The following PIK3R4 variants were observed in gnomAD, a reference collection of about 807,000 sequenced individuals.
PIK3R4 encodes the protein phosphoinositide 3-kinase regulatory subunit 4.
A neutral mutation model predicts 136.5 loss-of-function variants in PIK3R4; 46 were observed. That is an observed-to-expected ratio of 0.34 (90% CI 0.27 to 0.43). The LOEUF is 0.43. Among genes scored for constraint, PIK3R4 ranks in the 20% least tolerant of loss-of-function variants. The pLI is 1.00. For synonymous variants in PIK3R4, 557 were observed against 566.7 expected (o/e 0.98, Z 0.24); for missense variants, 1,331 against 1,649.5 (o/e 0.81, Z 3.35).
chr3:130,692,668 A>G (rs78332988), intron 13 of PIK3R4, among the ~76,000 whole-genome samples: 31,318 of 152,196 alleles, frequency 0.21, 3,488 homozygotes, highest in South Asian at 0.36. Context: ...ATATTTGTGT[A>G]TAAGTCTTTG....
At chr3:130,684,053 AATG>A (rs1348842519) in intron 16 of PIK3R4, among the ~76,000 whole-genome samples, 194 bp downstream of exon 16, 1 of 152,170 alleles carries the variant, frequency 6.6e-6, no homozygotes, top group East Asian at 1.9e-4. Context: ...AGAATGGAGT[AATG>A]ATGGTGACTG....
chr3:130,745,391 T>G (rs2066846651), intron 1 of PIK3R4, 127 bp from the exon 2 acceptor site: 2 of 578,580 alleles, frequency 3.5e-6, no homozygotes. Flanking sequence ...CTAACAGCAC[T>G]GTACCTAGCC....
At chr3:130,701,799 G>C (rs2066576387) in intron 13 of PIK3R4, among the ~76,000 whole-genome samples, 2 of 151,932 alleles carry the variant, frequency 1.3e-5, no homozygotes, top group South Asian at 4.2e-4. Flanking sequence ...GAACTTTTTA[G>C]AGGGCACATA....
chr3:130,687,609 G>C (rs1274863247), intron 14 of PIK3R4, among the ~76,000 whole-genome samples: 2 of 152,040 alleles, frequency 1.3e-5, no homozygotes, highest in Non-Finnish European at 2.9e-5. Flanking sequence ...GGATTCTTCT[G>C]TAAGTTGTCA....
At chr3:130,744,401 C>G in intron 2 of PIK3R4, 85 bp downstream of exon 2, 1 of 1,404,016 alleles carries the variant, frequency 7.1e-7, no homozygotes, top group Non-Finnish European at 9.6e-7. Context: ...TTTTCAATAT[C>G]TGGTGACTAA....
At position 130,735,055 on chromosome 3, in the gene PIK3R4, G is replaced by C. The variant is rs1220921432; in HGVS notation, c.867+814C>G. ...CATGAAGTTATATAACCAAAGCAAC[G>C]TAACAAGTATGTGCCATACCCAAAG... On this transcript the variant is annotated intron_variant, in intron 3 of 19. Transcript: ENST00000356763. Among the ~76,000 whole-genome samples the C allele has an allele frequency of 2.0e-5, 3 of 152,116 alleles. No individual in the cohort carries two copies. The South Asian group carries it at 6.2e-4, about 32-fold the overall frequency.
At chr3:130,727,224 C>G (rs75110726) in intron 6 of PIK3R4, among the ~76,000 whole-genome samples, 1,761 of 144,296 alleles carry the variant, frequency 0.012, 22 homozygotes, top group East Asian at 0.054. Flanking sequence ...AACTTAAAGT[C>G]TTTTTTTTTT....
intron 7 of PIK3R4, among the ~76,000 whole-genome samples, chr3:130,722,964 C>T (rs11716708): frequency 7.1e-6 from 1 of 141,802 alleles, no homozygotes; most frequent in African/African-American, 2.6e-5. Flanking sequence ...ACTCAGGAGG[C>T]TGAGGCAGGA....
chr3:130,688,632 A>T (rs566228562), intron 14 of PIK3R4, among the ~76,000 whole-genome samples: 20 of 152,290 alleles, frequency 1.3e-4, no homozygotes, highest in African/African-American at 4.8e-4. Context: ...TATAATGCAG[A>T]TTATTATTCT....
chr3:130,705,639 G>C lies in PIK3R4; in HGVS notation c.2854C>G (p.Arg952Gly). The change falls in exon 12 of 20, where the codon CGG becomes GGG. Residue 952 changes from arginine (R) to glycine (G), a missense_variant. Arg to Gly is a moderately radical substitution (Grantham distance 125). Coordinates refer to ENST00000356763, the MANE Select transcript of PIK3R4 (RefSeq NM_014602.3). ...ATTCTCTCAGCATTGCACTGCTCCC[G>C]CTTTTGCTGGATGAGTTGCTGAAGT... ...TELQQLIQQK[R>G]EQCNAERIAK... The C allele has an allele frequency of 6.2e-7, 1 of 1,613,500 alleles. No individual in the cohort carries two copies. Among genetic ancestry groups the C allele is most frequent in the East Asian group, 2.2e-5 (1 of 44,862 alleles).
At chr3:130,712,390 C>T (rs560248601) in intron 9 of PIK3R4, among the ~76,000 whole-genome samples, 2 of 152,140 alleles carry the variant, frequency 1.3e-5, no homozygotes, top group East Asian at 1.9e-4. Context: ...AAGGACTCGC[C>T]GGGCGAGGTG....
chr3:130,707,258 G>T, intron 10 of PIK3R4, 123 bp from the exon 11 acceptor site: 2 of 515,670 alleles, frequency 3.9e-6, no homozygotes, highest in Non-Finnish European at 6.5e-6. Flanking sequence ...TATTCTATTT[G>T]TTCCTTAAGA....
At chr3:130,707,263 T>C in intron 10 of PIK3R4, 128 bp from the exon 11 acceptor site, 1 of 506,912 alleles carries the variant, frequency 2.0e-6, no homozygotes, top group South Asian at 4.0e-5. Context: ...TATTTGTTCC[T>C]TAAGATTTCT....
intron 4 of PIK3R4, among the ~76,000 whole-genome samples, chr3:130,732,298 G>C (rs760028467): frequency 4.2e-4 from 64 of 152,166 alleles, no homozygotes; most frequent in Non-Finnish European, 8.4e-4. Context: ...ATAGCTATTA[G>C]TAACTGAGTG....
intron 7 of PIK3R4, among the ~76,000 whole-genome samples, chr3:130,723,083 A>T (rs2066711652): frequency 2.0e-5 from 3 of 146,492 alleles, no homozygotes; most frequent in Non-Finnish European, 4.5e-5. Context: ...AAAAAAAAAA[A>T]AAAAAAAAAA....
chr3:130,721,085 C>G (rs1222744721), intron 7 of PIK3R4, among the ~76,000 whole-genome samples: 3 of 151,838 alleles, frequency 2.0e-5, no homozygotes, highest in Non-Finnish European at 2.9e-5. Flanking sequence ...CCTGTAATCC[C>G]AGCACTTTGG....
At chr3:130,719,470 A>T (rs1235198981) in intron 7 of PIK3R4, among the ~76,000 whole-genome samples, 1 of 152,224 alleles carries the variant, frequency 6.6e-6, no homozygotes, top group East Asian at 1.9e-4. Context: ...GATGCGTTCA[A>T]AATATCTATC....
chr3:130,690,063 T>C (rs1196205961), intron 14 of PIK3R4, among the ~76,000 whole-genome samples: 2 of 152,234 alleles, frequency 1.3e-5, no homozygotes, highest in East Asian at 3.8e-4. Context: ...GAGATTTTAA[T>C]GCCAAGCAAC....
intron 9 of PIK3R4, among the ~76,000 whole-genome samples, chr3:130,713,167 T>G (rs1283285963): frequency 3.3e-5 from 5 of 152,182 alleles, no homozygotes; most frequent in Admixed American, 6.5e-5. Flanking sequence ...GAAGCTGGTG[T>G]TGTTCTGCTG....
Sources: gnomAD v4.1 joint callset for allele counts (sites outside exome capture counted in the v4.1 genomes callset) on GRCh38, gnomAD v4.1.1 for gene constraint, MANE v1.5 for transcripts, NCBI Gene and HGNC (gene_info 2026-07-23, HGNC 2026-07-21) for gene names.